Variants in MMP26 observed in about 807,000 individuals in gnomAD.
MMP26 encodes the protein matrix metallopeptidase 26.
In MMP26, 33 loss-of-function variants were observed where a neutral mutation model predicts 31.0. That is an observed-to-expected ratio of 1.06 (90% CI 0.81 to 1.42). MMP26 has a LOEUF of 1.42. Ranked by LOEUF, MMP26 falls within the 40% of genes most tolerant of loss-of-function variation. The pLI, the probability that MMP26 is intolerant of heterozygous loss-of-function variation, is 0.00. For missense variants in MMP26, 347 were observed against 316.1 expected, an observed-to-expected ratio of 1.10 and a Z score of -0.74; for synonymous variants, 122 against 114.9, an observed-to-expected ratio of 1.06 and a Z score of -0.40.
intron 2 of MMP26, among the ~76,000 whole-genome samples, chr11:4,921,302 G>A (rs1339698668): frequency 6.6e-6 from 1 of 152,222 alleles, no homozygotes; most frequent in African/African-American, 2.4e-5. Context: ...CCTCAGTCTA[G>A]CAAAGAGAGA....
intron 2 of MMP26, among the ~76,000 whole-genome samples, chr11:4,956,622 G>A (rs1312709653): frequency 2.6e-5 from 4 of 152,298 alleles, no homozygotes; most frequent in East Asian, 3.9e-4. Context: ...TCAAGGAAGT[G>A]TTGCAGGACA....
At chr11:4,939,128 C>T (rs12282202) in intron 2 of MMP26, among the ~76,000 whole-genome samples, 22,848 of 152,002 alleles carry the variant, frequency 0.15, 1,867 homozygotes, top group South Asian at 0.35. Context: ...TATTATTTTC[C>T]TGATTTATTA....
At chr11:4,727,246 T>C (rs763762575) in intron 1 of MMP26, among the ~76,000 whole-genome samples, 1 of 152,202 alleles carries the variant, frequency 6.6e-6, no homozygotes, top group East Asian at 1.9e-4. Context: ...GCATACTGTT[T>C]GTTCATCAAC....
At chr11:4,789,671 G>A (rs1449461937) in intron 2 of MMP26, among the ~76,000 whole-genome samples, 1 of 149,354 alleles carries the variant, frequency 6.7e-6, no homozygotes, top group Non-Finnish European at 1.5e-5. Context: ...CTCTTGAGTA[G>A]CTGGGACTAC....
At chr11:4,721,995 C>A (rs1202920723) in intron 1 of MMP26, among the ~76,000 whole-genome samples, 1 of 152,168 alleles carries the variant, frequency 6.6e-6, no homozygotes, top group Non-Finnish European at 1.5e-5. Context: ...GAAATGTAAT[C>A]CCCAATGGGT....
At chr11:4,735,929 T>G (rs1312042697) in intron 1 of MMP26, among the ~76,000 whole-genome samples, 1 of 152,202 alleles carries the variant, frequency 6.6e-6, no homozygotes, top group African/African-American at 2.4e-5. Flanking sequence ...TTCCAAACCT[T>G]TAGTAACATT....
At chr11:4,983,297 C>A (rs1846841272) in intron 2 of MMP26, among the ~76,000 whole-genome samples, 1 of 152,172 alleles carries the variant, frequency 6.6e-6, no homozygotes, top group African/African-American at 2.4e-5. Flanking sequence ...GGTAATCCTT[C>A]TCTTAGCATT....
intron 1 of MMP26, among the ~76,000 whole-genome samples, chr11:4,743,373 C>G (rs1282388926): frequency 6.6e-6 from 1 of 152,054 alleles, no homozygotes; most frequent in Non-Finnish European, 1.5e-5. Flanking sequence ...ATTATGAAGA[C>G]TATTGGTAAA....
chr11:4,834,426 A>G (rs981829267), intron 2 of MMP26, among the ~76,000 whole-genome samples: 1 of 152,216 alleles, frequency 6.6e-6, no homozygotes, highest in Non-Finnish European at 1.5e-5. Flanking sequence ...AAGGGTCAGC[A>G]AGGAAACTTT....
chr11:4,809,084 G>C (rs769214400), intron 2 of MMP26, among the ~76,000 whole-genome samples: 2 of 151,868 alleles, frequency 1.3e-5, no homozygotes, highest in Admixed American at 1.3e-4. Flanking sequence ...TTGAGAAATG[G>C]AATGTACATT....
chr11:4,876,464 A>C (rs1564798466), intron 2 of MMP26: 1 of 152,192 alleles, frequency 6.6e-6, no homozygotes, highest in Non-Finnish European at 1.5e-5. Flanking sequence ...TCTTACAGCT[A>C]CCATCTCAAT....
chr11:4,746,600 G>A (rs1002893204), intron 1 of MMP26, among the ~76,000 whole-genome samples: 7 of 152,136 alleles, frequency 4.6e-5, no homozygotes, highest in African/African-American at 1.7e-4. Context: ...TACTTTGGGA[G>A]GCTGGTGGGT....
intron 2 of MMP26, among the ~76,000 whole-genome samples, chr11:4,791,770 G>A (rs993579221): frequency 2.7e-5 from 4 of 150,480 alleles, no homozygotes; most frequent in African/African-American, 1.0e-4. Context: ...TCTAGGACTA[G>A]GTCCCCTGTG....
chr11:4,834,802 G>C (rs1179515302), intron 2 of MMP26, among the ~76,000 whole-genome samples: 1 of 151,946 alleles, frequency 6.6e-6, no homozygotes, highest in Non-Finnish European at 1.5e-5. Context: ...ACATTCCAGG[G>C]ATTAAATAAG....
chr11:4,979,554 A>T (rs1846784908), intron 2 of MMP26, among the ~76,000 whole-genome samples: 4 of 152,146 alleles, frequency 2.6e-5, no homozygotes, highest in Admixed American at 2.6e-4. Context: ...AGTGAGAAAG[A>T]CCAAACAGAG....
intron 2 of MMP26, chr11:4,821,657 C>A: frequency 6.2e-7 from 1 of 1,614,086 alleles, no homozygotes; most frequent in South Asian, 1.1e-5. Flanking sequence ...TCCCTGTGTA[C>A]ACTTTCTACT....
chr11:4,861,059 T>TTATATA (rs556563428), intron 2 of MMP26, among the ~76,000 whole-genome samples: 3 of 92,218 alleles, frequency 3.3e-5, no homozygotes, highest in African/African-American at 8.8e-5. Flanking sequence ...TATAAGGGTA[T>TTATATA]TATATATATA....
At chr11:4,926,178 A>T (rs1393486614) in intron 2 of MMP26, among the ~76,000 whole-genome samples, 1 of 152,132 alleles carries the variant, frequency 6.6e-6, no homozygotes, top group Non-Finnish European at 1.5e-5. Context: ...ATAACAATTT[A>T]ATATAAGAAT....
intron 2 of MMP26, among the ~76,000 whole-genome samples, chr11:4,968,723 G>T (rs1846628230): frequency 6.6e-6 from 1 of 151,748 alleles, no homozygotes; most frequent in South Asian, 2.1e-4. Flanking sequence ...TTTTTGTCTT[G>T]CATCTGTATA....
Sources: allele counts gnomAD v4.1 joint callset (sites outside exome capture counted in the v4.1 genomes callset), GRCh38; gene constraint gnomAD v4.1.1; transcripts MANE v1.5; gene names NCBI Gene and HGNC (gene_info 2026-07-23, HGNC 2026-07-21).